ZNF415: variants seen among roughly 807,000 people sequenced by gnomAD.
ZNF415 encodes the protein zinc finger protein 415.
In ZNF415, 5 loss-of-function variants were observed where a neutral mutation model predicts 7.3. The ratio of observed to expected loss-of-function variants is 0.69; its 90% CI spans 0.36 to 1.44. The LOEUF is 1.44. Among genes scored for constraint, ZNF415 ranks in the 40% most tolerant of loss-of-function variants. ZNF415 has a pLI of 0.04. For synonymous variants in ZNF415, 207 were observed against 226.3 expected (o/e 0.91, Z 0.77); for missense variants, 628 against 664.8 (o/e 0.94, Z 0.61).
intron 1 of ZNF415, among the ~76,000 whole-genome samples, chr19:53,127,600 C>T (rs904417858): frequency 2.0e-5 from 3 of 152,154 alleles, no homozygotes; most frequent in Non-Finnish European, 4.4e-5. Flanking sequence ...CCTGATCGGC[C>T]GGGCGTGGTG....
rs1405784737 is a variant in ZNF415, at chr19:53,130,507, A to G, written c.-68+2349T>C. ...CATGAGCTGATTATAGGATGCCACC[A>G]AAGTTACTTTGGAAATAATTATATA... is the stretch of plus-strand genomic sequence containing the variant. On this transcript the variant is annotated intron_variant, in intron 1 of 3. Transcript: ENST00000243643. Among the ~76,000 whole-genome samples the G allele has an allele frequency of 2.6e-5, 4 of 152,204 alleles. No homozygotes were observed. In the South Asian group the frequency reaches 6.2e-4, roughly 24 times the overall value.
chr19:53,111,492 A>G (rs1309022242), intron 3 of ZNF415, among the ~76,000 whole-genome samples: 1 of 151,598 alleles, frequency 6.6e-6, no homozygotes, highest in Non-Finnish European at 1.5e-5. Context: ...ACAGGTGCCT[A>G]CCACCATGCC....
chr19:53,129,143 C>T (rs1029734881), intron 1 of ZNF415, among the ~76,000 whole-genome samples: 10 of 152,072 alleles, frequency 6.6e-5, no homozygotes, highest in African/African-American at 2.4e-4. Context: ...AAAGCAGGGA[C>T]AACGACCCGT....
At chr19:53,124,656 G>C (rs1434855733) in intron 1 of ZNF415, among the ~76,000 whole-genome samples, 1 of 152,174 alleles carries the variant, frequency 6.6e-6, no homozygotes, top group African/African-American at 2.4e-5. Flanking sequence ...AGGGTTAGTA[G>C]CAGCCAGGAG....
intron 3 of ZNF415, among the ~76,000 whole-genome samples, chr19:53,111,990 G>A (rs2086298952): frequency 6.6e-6 from 1 of 152,014 alleles, no homozygotes; most frequent in African/African-American, 2.4e-5. Context: ...TGCCCAGGCT[G>A]GGGTGCAGTG....
Position 53,108,885 on chromosome 19 carries a change from T to A in ZNF415, c.1160A>T (p.Asn387Ile). 6.2e-7 allele frequency: 1 copy of A among 1,614,122 alleles called. No homozygotes were observed. Among genetic ancestry groups the A allele is most frequent in the Non-Finnish European group, 8.5e-7 (1 of 1,179,988 alleles). Residue 387 changes from asparagine (N) to isoleucine (I), a missense_variant, in exon 4 of 4, where the codon AAT (asparagine) becomes ATT (isoleucine). By Grantham distance (149) the Asn-to-Ile change is moderately radical. Transcript: ENST00000243643. ...IHTGEKPYKC[N>I]ECGKVFSQTS... is the part of the protein sequence containing the mutation. ...CTGACTGAAGACTTTACCACATTCATTACACTTGTATGGTTTCTCCCCAGT... is the reference window on the plus strand; with the variant it reads ...CTGACTGAAGACTTTACCACATTCAATACACTTGTATGGTTTCTCCCCAGT...
chr19:53,123,792 C>T (rs542252276), intron 1 of ZNF415: 1 of 384,570 alleles, frequency 2.6e-6, no homozygotes, highest in South Asian at 1.4e-4. Flanking sequence ...AACCCACTTA[C>T]AATGTAAAAT....
At position 53,108,360 on chromosome 19, in the gene ZNF415, C is replaced by T. The variant is rs2085685289; in HGVS notation, c.*17G>A. 2 of 1,578,632 alleles carry T rather than the reference C, an allele frequency of 1.3e-6. No individual in the cohort carries two copies. Among genetic ancestry groups the T allele is most frequent in the Admixed American group, 1.8e-5 (1 of 54,336 alleles). On this transcript the variant is annotated 3_prime_UTR_variant, in exon 4 of 4. Transcript: ENST00000243643. Reference sequence around the variant, plus strand: ...ATGACTCACAGGATTTAAACTTTGACTGAAGACCTTGCCATATTAATTTCT... The same window carrying T: ...ATGACTCACAGGATTTAAACTTTGATTGAAGACCTTGCCATATTAATTTCT...
Position 53,108,772 on chromosome 19 carries a change from A to T in ZNF415, c.1273T>A (p.Ser425Thr). Reference protein sequence around the residue: ...NECGKVFSYNSHLASHRRVHT... With the variant: ...NECGKVFSYNTHLASHRRVHT... ...ACTCTCCGATGACTCGCAAGGTGTG[A>T]ATTGTAACTGAAAACCTTACCACAT... The change falls in exon 4 of 4, where the codon TCA becomes ACA. Residue 425 changes from serine to threonine, a missense_variant. By Grantham distance (58) the Ser-to-Thr change is moderately conservative. Coordinates refer to ENST00000243643, the MANE Select transcript of ZNF415 (RefSeq NM_018355.4). The T allele has an allele frequency of 6.2e-7, 1 of 1,613,412 alleles. No homozygotes were observed. Among genetic ancestry groups the T allele is most frequent in the Non-Finnish European group, 8.5e-7 (1 of 1,179,422 alleles).
chr19:53,120,689 T>C (rs1021785595), intron 2 of ZNF415, among the ~76,000 whole-genome samples: 7 of 152,204 alleles, frequency 4.6e-5, no homozygotes, highest in Admixed American at 2.6e-4. Flanking sequence ...AGTTCTGCTC[T>C]GATGTCTGAG....
intron 3 of ZNF415, among the ~76,000 whole-genome samples, chr19:53,114,762 C>G (rs780823659): frequency 3.3e-5 from 5 of 152,160 alleles, no homozygotes; most frequent in Non-Finnish European, 4.4e-5. Context: ...CCAGAAGAAC[C>G]AACTCCCTCC....
intron 1 of ZNF415, among the ~76,000 whole-genome samples, chr19:53,127,070 T>C (rs28622937): frequency 0.77 from 95,623 of 123,732 alleles, 36,930 homozygotes; most frequent in Non-Finnish European, 0.84. Context: ...GTGGAAGCCT[T>C]TGGGCCGCAG....
chr19:53,119,007 G>A (rs924371887), intron 2 of ZNF415, among the ~76,000 whole-genome samples: 4 of 151,388 alleles, frequency 2.6e-5, no homozygotes, highest in Admixed American at 6.6e-5. Context: ...TAGGCCGGGC[G>A]CAGTGGCTCA....
intron 3 of ZNF415, chr19:53,115,820 G>A (rs1026973990): frequency 1.3e-6 from 2 of 1,541,988 alleles, no homozygotes; most frequent in African/African-American, 2.7e-5. Context: ...CTCTGGTCAG[G>A]AAGAGAATTT....
intron 2 of ZNF415, among the ~76,000 whole-genome samples, chr19:53,118,554 C>G (rs577070769): frequency 6.6e-5 from 10 of 152,198 alleles, no homozygotes; most frequent in Admixed American, 5.2e-4. Context: ...GAACACAAAA[C>G]AAGTCTCAAC....
intron 1 of ZNF415, among the ~76,000 whole-genome samples, chr19:53,130,490 G>C (rs2089919506): frequency 6.6e-6 from 1 of 152,066 alleles, no homozygotes; most frequent in East Asian, 1.9e-4. Flanking sequence ...GCCATGAGCT[G>C]ATTATAGGAT....
chr19:53,109,595 C>T lies in ZNF415; in HGVS notation c.450G>A (p.Leu150=). The change falls in exon 4 of 4, where the codon CTG becomes CTA. Residue 150 remains leucine (L), a synonymous_variant. Transcript: ENST00000243643. ...GLSFLPHPHE[L]QQFQAEGKIY... is the part of the protein sequence containing the mutation. Reference sequence around the variant, plus strand: ...TTTTCCCTTCAGCTTGAAACTGCTGCAGTTCATGGGGATGTGGTAGAAAGC... The same window carrying T: ...TTTTCCCTTCAGCTTGAAACTGCTGTAGTTCATGGGGATGTGGTAGAAAGC... The T allele has an allele frequency of 1.9e-6, 3 of 1,614,118 alleles. No homozygotes were observed. Among genetic ancestry groups the T allele is most frequent in the Non-Finnish European group, 2.5e-6 (3 of 1,180,012 alleles).
At chr19:53,132,386 G>A (rs1002509567) in intron 1 of ZNF415, among the ~76,000 whole-genome samples, 3 of 152,144 alleles carry the variant, frequency 2.0e-5, no homozygotes, top group Admixed American at 1.3e-4. Flanking sequence ...GGGCTCAGGG[G>A]AGGCCTGGGG....
chr19:53,122,731 T>G lies in ZNF415; in HGVS notation c.-55A>C. The G allele has an allele frequency of 6.2e-7, 1 of 1,613,040 alleles. No homozygotes were observed. Among genetic ancestry groups the G allele is most frequent in the South Asian group, 1.1e-5 (1 of 91,012 alleles). ...TTTCTTCCTCATGTGCCAGGAGTCT[T>G]TGGAAGTCAATGCTGAATAACAACA... On this transcript the variant is annotated 5_prime_UTR_variant, in exon 2 of 4. Transcript: ENST00000243643.
Sources: gnomAD v4.1 joint callset for allele counts (sites outside exome capture counted in the v4.1 genomes callset) on GRCh38, gnomAD v4.1.1 for gene constraint, MANE v1.5 for transcripts, NCBI Gene and HGNC (gene_info 2026-07-23, HGNC 2026-07-21) for gene names.